The following SCN9A variants were observed in gnomAD, a reference collection of about 807,000 sequenced individuals.
SCN9A encodes sodium voltage-gated channel alpha subunit 9.
In SCN9A, 131 loss-of-function variants were observed where a neutral mutation model predicts 187.0. The observed-to-expected ratio is 0.70, with a 90% confidence interval of 0.61 to 0.81. SCN9A has a LOEUF of 0.81. Ranked by LOEUF, SCN9A falls within the 30% of genes least tolerant of loss-of-function variation. The pLI is 0.00. For synonymous variants in SCN9A, 809 were observed against 808.6 expected (o/e 1.00, Z -0.01); for missense variants, 2,252 against 2,396.6 (o/e 0.94, Z 1.26).
At chr2:166,202,047 T>G (rs75104273) in intron 26 of SCN9A, among the ~76,000 whole-genome samples, 4,496 of 151,912 alleles carry the variant, frequency 0.03, 480 homozygotes, top group Admixed American at 0.2. Flanking sequence ...TCTTATTAAT[T>G]TATAAGAACA....
chr2:166,305,737 T>C (rs1344072788), intron 5 of SCN9A, 55 bp downstream of exon 5: 7 of 1,610,394 alleles, frequency 4.3e-6, no homozygotes. Flanking sequence ...ATTGGAACAC[T>C]GTGCTGCCTG....
intron 7 of SCN9A, among the ~76,000 whole-genome samples, chr2:166,300,538 T>C (rs1316479227): frequency 2.6e-5 from 4 of 151,004 alleles, no homozygotes; most frequent in Non-Finnish European, 5.9e-5. Context: ...TATTTGTCTG[T>C]TCCCCCTTAA....
intron 1 of SCN9A, among the ~76,000 whole-genome samples, chr2:166,346,088 T>A (rs752289745): frequency 4.6e-5 from 7 of 152,148 alleles, no homozygotes; most frequent in Non-Finnish European, 5.9e-5. Flanking sequence ...GGCTTTTGAG[T>A]AACCTGTGCT....
intron 13 of SCN9A, among the ~76,000 whole-genome samples, chr2:166,281,012 G>T (rs939421684): frequency 1.3e-5 from 2 of 152,182 alleles, no homozygotes; most frequent in Non-Finnish European, 2.9e-5. Flanking sequence ...TGCTGTAATA[G>T]TTCACAGGTG....
intron 20 of SCN9A, among the ~76,000 whole-genome samples, chr2:166,235,487 C>A (rs913789347): frequency 6.6e-6 from 1 of 152,086 alleles, no homozygotes; most frequent in Non-Finnish European, 1.5e-5. Flanking sequence ...TCTGAATATA[C>A]AACAGAATCA....
At chr2:166,306,760 C>T (rs1698771441) in intron 3 of SCN9A, among the ~76,000 whole-genome samples, 161 bp from the exon 4 acceptor site, 1 of 152,106 alleles carries the variant, frequency 6.6e-6, no homozygotes, top group Non-Finnish European at 1.5e-5. Flanking sequence ...ATAAAAGTAA[C>T]ATATCCTAAA....
At chr2:166,328,227 A>T (rs1032683154) in intron 1 of SCN9A, among the ~76,000 whole-genome samples, 1 of 152,078 alleles carries the variant, frequency 6.6e-6, no homozygotes, top group African/African-American at 2.4e-5. Flanking sequence ...AGAATTCATC[A>T]AACTATATTT....
chr2:166,319,725 C>G (rs1003979314), intron 1 of SCN9A, among the ~76,000 whole-genome samples: 23 of 152,130 alleles, frequency 1.5e-4, no homozygotes, highest in Admixed American at 1.4e-3. Flanking sequence ...AATTATAGAA[C>G]TTTATTTACA....
At chr2:166,306,857 G>C in intron 3 of SCN9A, 99 bp downstream of exon 3, 1 of 683,096 alleles carries the variant, frequency 1.5e-6, no homozygotes, top group Non-Finnish European at 2.5e-6. Flanking sequence ...TAAAACCAGA[G>C]TCTTTCAAGG....
chr2:166,360,287 T>TG (rs1700252376), intron 1 of SCN9A, among the ~76,000 whole-genome samples: 1 of 148,808 alleles, frequency 6.7e-6, no homozygotes, highest in Admixed American at 6.7e-5. Flanking sequence ...TGTATTACCC[T>TG]GGGAAAACTT....
At position 166,340,533 on chromosome 2, in the gene SCN9A, TTTCTTTCCCTTTC is replaced by T. The variant is rs772930184; in HGVS notation, c.-50-28740_-50-28728del. On this transcript the variant is annotated intron_variant, in intron 1 of 26. Coordinates refer to ENST00000642356, the MANE Select transcript of SCN9A (RefSeq NM_001365536.1). Reference sequence around the variant, plus strand: ...TTCCTTCCTTCCCTCTCTCCTTTCTTTTCTTTCCCTTTCTTTCTTTCTTTCTTTCTTTCTTTCT... The same window carrying T: ...TTCCTTCCTTCCCTCTCTCCTTTCTTTTTCTTTCTTTCTTTCTTTCTTTCT... 3.0e-3 allele frequency among the ~76,000 whole-genome samples: 360 copies of T among 118,124 alleles called. 3 individuals carry two copies. The highest frequency in any genetic ancestry group is 4.5e-3 in the Non-Finnish European group (266 of 58,662). The allele number at this position is 118,124 out of a possible 152,430, so 77.5% of individuals were successfully genotyped here.
intron 1 of SCN9A, among the ~76,000 whole-genome samples, chr2:166,361,216 T>C (rs891422935): frequency 3.3e-5 from 5 of 152,134 alleles, no homozygotes; most frequent in Non-Finnish European, 5.9e-5. Context: ...TTGTAACTGT[T>C]ATTATTAGTG....
At chr2:166,326,614 A>G (rs1487505619) in intron 1 of SCN9A, among the ~76,000 whole-genome samples, 1 of 152,218 alleles carries the variant, frequency 6.6e-6, no homozygotes, top group Admixed American at 6.5e-5. Flanking sequence ...AAGCTTAGAT[A>G]TATGATGATC....
chr2:166,261,061 C>T (rs982833450), intron 17 of SCN9A, among the ~76,000 whole-genome samples: 1 of 151,676 alleles, frequency 6.6e-6, no homozygotes, highest in African/African-American at 2.4e-5. Flanking sequence ...CAAAGTATAA[C>T]ATTACAATTG....
intron 18 of SCN9A, among the ~76,000 whole-genome samples, chr2:166,250,088 C>A (rs1170769733): frequency 6.6e-6 from 1 of 152,098 alleles, no homozygotes; most frequent in Non-Finnish European, 1.5e-5. Flanking sequence ...TTGCTTCTTA[C>A]ATAAAATGAT....
intron 1 of SCN9A, among the ~76,000 whole-genome samples, chr2:166,345,878 A>G (rs1699889006): frequency 6.6e-6 from 1 of 152,218 alleles, no homozygotes; most frequent in African/African-American, 2.4e-5. Flanking sequence ...GGAAGAAAGC[A>G]ACTGTTTAAA....
intron 24 of SCN9A, among the ~76,000 whole-genome samples, chr2:166,223,009 C>T (rs1296994564): frequency 1.5e-4 from 14 of 90,874 alleles, no homozygotes. Flanking sequence ...TCATTTCATA[C>T]CTGCTAGGAT....
rs1697638888 is a variant in SCN9A, at chr2:166,284,497, G to A, written c.1930C>T (p.Leu644Phe). The A allele has an allele frequency of 8.1e-6, 13 of 1,613,982 alleles. No homozygotes were observed. Among genetic ancestry groups the A allele is most frequent in the African/African-American group, 2.7e-5 (2 of 74,946 alleles). Residue 644 changes from leucine (L) to phenylalanine (F), a missense_variant, in exon 12 of 27, where the codon CTT becomes TTT. Transcript: ENST00000642356. ...RSALMLPNGQ[L>F]LPEVIIDKAT... ...TTATCTATTATCACCTCTGGCAGAA[G>A]CTGTCCATTGGGGAGCATGAGGGCT... is the stretch of plus-strand genomic sequence containing the variant.
chr2:166,240,769 G>T (rs754116365), intron 19 of SCN9A, among the ~76,000 whole-genome samples: 15 of 152,194 alleles, frequency 9.9e-5, no homozygotes, highest in Non-Finnish European at 1.9e-4. Flanking sequence ...AGAATGCCAG[G>T]CTCTGCCTGC....
Sources: gnomAD v4.1 joint callset for allele counts (sites outside exome capture counted in the v4.1 genomes callset) on GRCh38, gnomAD v4.1.1 for gene constraint, MANE v1.5 for transcripts, NCBI Gene and HGNC (gene_info 2026-07-23, HGNC 2026-07-21) for gene names.